Variants in EPM2A observed in about 807,000 individuals in gnomAD.
EPM2A encodes the protein EPM2A glucan phosphatase, laforin.
In EPM2A, 21 loss-of-function variants were observed where a neutral mutation model predicts 26.5. The observed-to-expected ratio is 0.79, with a 90% CI of 0.56 to 1.14. EPM2A has a LOEUF of 1.14. Among genes scored for constraint, EPM2A ranks in the 50% most tolerant of loss-of-function variants. The pLI, the probability that EPM2A is intolerant of heterozygous loss-of-function variation, is 0.00. For synonymous variants in EPM2A, 217 were observed against 177.6 expected (o/e 1.22, Z -1.76); for missense variants, 458 against 440.8 (o/e 1.04, Z -0.35).
rs1224943152 is a variant in EPM2A at position 145,635,404 on chromosome 6, T to G, written c.559A>C (p.Thr187Pro). The change falls in exon 3 of 4, where the codon ACA (threonine) becomes CCA (proline). Residue 187 changes from threonine (T) to proline (P), a missense_variant. Transcript: ENST00000367519. ...TCAGTCTGGAAATTCATTACAGCTG[T>G]AATCCCCAATTCATGCTTCAGTTTG... ...TIKLKHELGI[T>P]AVMNFQTEWD... The G allele has an allele frequency of 6.2e-7, 1 of 1,614,134 alleles. No individual in the cohort carries two copies. Among genetic ancestry groups the G allele is most frequent in the South Asian group, 1.1e-5 (1 of 91,086 alleles).
At chr6:145,712,497 T>G (rs1343249245) in intron 1 of EPM2A, among the ~76,000 whole-genome samples, 3 of 152,082 alleles carry the variant, frequency 2.0e-5, no homozygotes, top group Admixed American at 6.6e-5. Context: ...AGTATGATCC[T>G]GAAGACAAAG....
At position 145,397,995 on chromosome 6, in the gene EPM2A, TCA is replaced by T. The variant is rs553239938; in HGVS notation, c.556-13900_556-13899del. Among the ~76,000 whole-genome samples, 17 of 152,318 alleles carry T rather than the reference TCA, an allele frequency of 1.1e-4. No homozygotes were observed. In the South Asian group the frequency reaches 3.3e-3, roughly 30 times the overall value. On this transcript the variant is annotated intron_variant, in intron 4 of 4. Coordinates refer to the EPM2A transcript ENST00000638717. Reference sequence around the variant, plus strand: ...ATCACATTTAGTGTTTTAGGAATTTTCACAGTTATCATTTTCTTACATAAAGT... The same window carrying T: ...ATCACATTTAGTGTTTTAGGAATTTTCAGTTATCATTTTCTTACATAAAGT...
At chr6:145,669,354 C>A (rs1277194233) in intron 2 of EPM2A, among the ~76,000 whole-genome samples, 1 of 152,120 alleles carries the variant, frequency 6.6e-6, no homozygotes, top group African/African-American at 2.4e-5. Flanking sequence ...TTTAACTGAA[C>A]CTTCTTCCAA....
At chr6:145,573,594 C>T (rs1473865307) in intron 2 of EPM2A, among the ~76,000 whole-genome samples, 2 of 152,234 alleles carry the variant, frequency 1.3e-5, no homozygotes, top group African/African-American at 4.8e-5. Context: ...GCACTAATCT[C>T]CGCAATCCCT....
intron 4 of EPM2A, among the ~76,000 whole-genome samples, chr6:145,480,369 T>C (rs1211062956): frequency 1.3e-5 from 2 of 151,974 alleles, no homozygotes; most frequent in African/African-American, 4.8e-5. Flanking sequence ...GAGAATTAAC[T>C]ATCACAAGAA....
intron 4 of EPM2A, among the ~76,000 whole-genome samples, chr6:145,415,574 C>A (rs1778697394): frequency 6.6e-6 from 1 of 152,136 alleles, no homozygotes; most frequent in Non-Finnish European, 1.5e-5. Context: ...CTTATCATTT[C>A]TTTTCATTCT....
intron 4 of EPM2A, among the ~76,000 whole-genome samples, chr6:145,443,487 T>A (rs1341052195): frequency 6.6e-6 from 1 of 152,196 alleles, no homozygotes; most frequent in Non-Finnish European, 1.5e-5. Flanking sequence ...ATTCTTTTTG[T>A]GGCAATTGTG....
chr6:145,627,565 A>T lies in EPM2A; in HGVS notation c.847T>A (p.Tyr283Asn), dbSNP rs2128556112. The T allele has an allele frequency of 6.2e-7, 1 of 1,614,226 alleles. No individual in the cohort carries two copies. The highest frequency in any genetic ancestry group is 1.6e-4 in the Middle Eastern group (1 of 6,062). ...TTCCTCAGATTCCAGCCCATCACAT[A>T]CTGGAGCCAGCCGCAGACAGCCGCG... ...STAAVCGWLQ[Y>N]VMGWNLRKVQ... The change falls in exon 4 of 4, where the codon TAT (tyrosine) becomes AAT (asparagine). Residue 283 changes from tyrosine to asparagine, a missense_variant. By Grantham distance (143) the Tyr-to-Asn change is moderately radical. Transcript: ENST00000367519.
intron 4 of EPM2A, among the ~76,000 whole-genome samples, chr6:145,441,527 A>G (rs1395425536): frequency 1.3e-5 from 2 of 152,142 alleles, no homozygotes; most frequent in African/African-American, 4.8e-5. Context: ...TTGCATTGTC[A>G]GGCTGCAAAT....
At chr6:145,444,738 A>G (rs1779109482) in intron 4 of EPM2A, among the ~76,000 whole-genome samples, 1 of 152,038 alleles carries the variant, frequency 6.6e-6, no homozygotes, top group African/African-American at 2.4e-5. Flanking sequence ...ACGCTATCTT[A>G]TTTCTTTGCA....
chr6:145,490,338 T>C lies in EPM2A; in HGVS notation c.555+12184A>G. 12 of 1,410,632 alleles carry C rather than the reference T, an allele frequency of 8.5e-6. No homozygotes were observed. In the South Asian group the frequency reaches 1.1e-4, roughly 13 times the overall value. 87.4% of individuals were successfully genotyped at this position (1,410,632 alleles called of 1,614,324 possible). A position where few individuals can be genotyped will look rare whatever the true frequency, so the allele number is the denominator to read the frequency against. ...AACACACTGTTGCAGACATGGCATT[T>C]ATAGAGCTTCTTTCTTCCTTTTTTG... On this transcript the variant is annotated intron_variant, in intron 4 of 4. Transcript: ENST00000638717.
intron 1 of EPM2A, among the ~76,000 whole-genome samples, chr6:145,719,585 C>T (rs1384171478): frequency 3.3e-5 from 5 of 152,018 alleles, no homozygotes; most frequent in Non-Finnish European, 7.4e-5. Flanking sequence ...AACTAACCTG[C>T]ACATTGTGTA....
chr6:145,486,928 G>T (rs914927335), intron 4 of EPM2A, among the ~76,000 whole-genome samples: 1 of 152,068 alleles, frequency 6.6e-6, no homozygotes. Flanking sequence ...TTGTTTTACA[G>T]ATTATTTCAT....
At chr6:145,506,182 G>A (rs979730534) in intron 2 of EPM2A, among the ~76,000 whole-genome samples, 2 of 152,190 alleles carry the variant, frequency 1.3e-5, no homozygotes, top group African/African-American at 4.8e-5. Context: ...GTTGATTTGT[G>A]TTATAGCAGA....
At chr6:145,662,773 C>T (rs1188774289) in intron 2 of EPM2A, among the ~76,000 whole-genome samples, 2 of 152,114 alleles carry the variant, frequency 1.3e-5, no homozygotes, top group Non-Finnish European at 2.9e-5. Flanking sequence ...GATCAGATAT[C>T]AAGGATGGGG....
At chr6:145,640,866 C>A (rs1049393985) in intron 2 of EPM2A, 1 of 152,108 alleles carries the variant, frequency 6.6e-6, no homozygotes, top group Admixed American at 6.6e-5. Context: ...AAACTTCTAC[C>A]CCAAAAGGGT....
intron 2 of EPM2A, among the ~76,000 whole-genome samples, chr6:145,683,685 T>C (rs1422872228): frequency 6.6e-6 from 1 of 152,030 alleles, no homozygotes; most frequent in Admixed American, 6.6e-5. Context: ...GAGTGAGAGG[T>C]GTACCCCACA....
chr6:145,730,023 T>C (rs1466651929), intron 1 of EPM2A, among the ~76,000 whole-genome samples: 1 of 152,156 alleles, frequency 6.6e-6, no homozygotes, highest in African/African-American at 2.4e-5. Context: ...CTTCCCCATC[T>C]TTCTCTCTTC....
At chr6:145,540,741 T>A (rs1483225939) in intron 2 of EPM2A, among the ~76,000 whole-genome samples, 1 of 152,044 alleles carries the variant, frequency 6.6e-6, no homozygotes, top group African/African-American at 2.4e-5. Context: ...TTTACAAAAA[T>A]GAAAAAGATC....
Sources: gnomAD v4.1 joint callset for allele counts (sites outside exome capture counted in the v4.1 genomes callset) on GRCh38, gnomAD v4.1.1 for gene constraint, MANE v1.5 for transcripts, NCBI Gene and HGNC (gene_info 2026-07-23, HGNC 2026-07-21) for gene names.